The following IL1RAPL2 variants were observed in gnomAD, a reference collection of about 807,000 sequenced individuals.
The protein encoded by IL1RAPL2 is X-linked interleukin-1 receptor accessory protein-like 2.
A neutral mutation model predicts 44.1 loss-of-function variants in IL1RAPL2; 3 were observed. The observed-to-expected ratio is 0.07, with a 90% CI of 0.03 to 0.18. The LOEUF (loss-of-function observed/expected upper bound fraction) is 0.18, where lower values mean the gene tolerates loss of function less well. IL1RAPL2 is among the 10% of genes least tolerant of loss of function. The pLI, the probability that IL1RAPL2 is intolerant of heterozygous loss-of-function variation, is 1.00. For missense variants in IL1RAPL2, 391 were observed against 496.4 expected (o/e 0.79, Z 2.02); for synonymous variants, 181 against 178.8 (o/e 1.01, Z -0.10).
intron 2 of IL1RAPL2, among the ~76,000 whole-genome samples, chrX:105,140,749 G>T (rs747300602): frequency 1.8e-5 from 2 of 112,523 alleles, no homozygotes; most frequent in South Asian, 3.6e-4. Context: ...GCTAATGCAG[G>T]GTTGTAATAT....
intron 6 of IL1RAPL2, among the ~76,000 whole-genome samples, chrX:105,651,800 C>T (rs2037644071): frequency 8.9e-6 from 1 of 111,929 alleles, no homozygotes; most frequent in African/African-American, 3.2e-5. Context: ...GTTTACTCCC[C>T]TGTGAAGACC....
chrX:104,651,728 C>T (rs1014395888), intron 1 of IL1RAPL2, among the ~76,000 whole-genome samples: 1 of 110,902 alleles, frequency 9.0e-6, no homozygotes, highest in Non-Finnish European at 1.9e-5. Flanking sequence ...AAGTCACTGG[C>T]GTTATATAAG....
chrX:105,548,707 C>T (rs749723197), intron 6 of IL1RAPL2, among the ~76,000 whole-genome samples: 18 of 111,470 alleles, frequency 1.6e-4, no homozygotes, highest in Admixed American at 1.2e-3. Flanking sequence ...CACTCTACCA[C>T]TTACTGTTTG....
intron 2 of IL1RAPL2, among the ~76,000 whole-genome samples, chrX:104,945,136 G>T (rs1185771845): frequency 9.0e-6 from 1 of 111,305 alleles, no homozygotes; most frequent in Non-Finnish European, 1.9e-5. Context: ...GTCATTTAGT[G>T]GGTGCTTAAT....
intron 2 of IL1RAPL2, among the ~76,000 whole-genome samples, chrX:104,802,989 C>T (rs1287357420): frequency 9.0e-6 from 1 of 111,688 alleles, no homozygotes; most frequent in African/African-American, 3.3e-5. Flanking sequence ...ATTTCACATA[C>T]ATTCTCTCAT....
chrX:105,491,066 T>C (rs150057342), intron 6 of IL1RAPL2, among the ~76,000 whole-genome samples: 3,559 of 111,980 alleles, frequency 0.032, 149 homozygotes, highest in African/African-American at 0.11. Flanking sequence ...ATACTAAAAA[T>C]GGAAATTTAT....
Position 105,319,143 on chromosome X carries a change from T to C in IL1RAPL2, c.697+51602T>C, listed in dbSNP as rs1420796743. Among the ~76,000 whole-genome samples the C allele has an allele frequency of 2.7e-5, 3 of 112,142 alleles. No individual in the cohort carries two copies. The East Asian group carries it at 8.5e-4, about 32-fold the overall frequency. On this transcript the variant is annotated intron_variant, in intron 5 of 10. Transcript: ENST00000372582. ...ACAGCCCAGTAAAGGAGCTTTGAGA[T>C]GAGCTTTTTCTTTCTGTGTTGGCTA...
At chrX:104,732,356 A>G (rs190041817) in intron 2 of IL1RAPL2, among the ~76,000 whole-genome samples, 7 of 112,134 alleles carry the variant, frequency 6.2e-5, no homozygotes, top group East Asian at 2.8e-4. Context: ...TTATTAGTAG[A>G]CAAGCATACC....
At chrX:104,662,318 G>A (rs1930416559) in intron 2 of IL1RAPL2, among the ~76,000 whole-genome samples, 1 of 111,644 alleles carries the variant, frequency 9.0e-6, no homozygotes. Context: ...CTGCATCTAG[G>A]GCCTGATTGC....
At chrX:104,938,277 T>C (rs1243713082) in intron 2 of IL1RAPL2, among the ~76,000 whole-genome samples, 2 of 112,363 alleles carry the variant, frequency 1.8e-5, no homozygotes, top group African/African-American at 6.5e-5. Flanking sequence ...ATGAAAATTG[T>C]TGGCAAAGAC....
At chrX:105,207,478 T>C (rs1556153508) in intron 3 of IL1RAPL2, among the ~76,000 whole-genome samples, 1 of 111,902 alleles carries the variant, frequency 8.9e-6, no homozygotes, top group East Asian at 2.8e-4. Flanking sequence ...AAATCATTGT[T>C]TGACATTACT....
chrX:105,051,268 A>T (rs2031919828), intron 2 of IL1RAPL2, among the ~76,000 whole-genome samples: 1 of 103,655 alleles, frequency 9.6e-6, no homozygotes. Context: ...AGCGGAGCAG[A>T]CACCCCGAGC....
chrX:104,599,185 G>A (rs1928824740), intron 1 of IL1RAPL2, among the ~76,000 whole-genome samples: 1 of 112,063 alleles, frequency 8.9e-6, no homozygotes, highest in Non-Finnish European at 1.9e-5. Context: ...TCTGTATATA[G>A]TGTGTAGTAA....
intron 2 of IL1RAPL2, among the ~76,000 whole-genome samples, chrX:105,157,286 G>GCT (rs755583508): frequency 1.6e-4 from 17 of 107,445 alleles, no homozygotes; most frequent in East Asian, 8.8e-4. Flanking sequence ...TAACTACAAA[G>GCT]CTCTCTCTCT....
At chrX:104,618,386 C>G (rs894151630) in intron 1 of IL1RAPL2, among the ~76,000 whole-genome samples, 1 of 112,410 alleles carries the variant, frequency 8.9e-6, no homozygotes, top group Non-Finnish European at 1.9e-5. Flanking sequence ...TACAGGTTCT[C>G]TGATGGCAGG....
chrX:104,885,772 T>C (rs1002969462), intron 2 of IL1RAPL2, among the ~76,000 whole-genome samples: 1 of 112,188 alleles, frequency 8.9e-6, no homozygotes, highest in African/African-American at 3.2e-5. Context: ...TGGTAGGGCT[T>C]GTTATCAATG....
chrX:104,602,477 G>T (rs1252359592), intron 1 of IL1RAPL2, among the ~76,000 whole-genome samples: 1 of 111,201 alleles, frequency 9.0e-6, no homozygotes, highest in Non-Finnish European at 1.9e-5. Context: ...CAGTGAGACA[G>T]AATCAATTAC....
intron 2 of IL1RAPL2, among the ~76,000 whole-genome samples, chrX:104,686,845 A>T (rs1930997311): frequency 8.9e-6 from 1 of 112,142 alleles, no homozygotes; most frequent in Non-Finnish European, 1.9e-5. Context: ...TATGCTTCCC[A>T]CATCTGTTCC....
chrX:105,397,585 G>A (rs1211820752), intron 5 of IL1RAPL2, among the ~76,000 whole-genome samples: 1 of 111,678 alleles, frequency 9.0e-6, no homozygotes, highest in African/African-American at 3.3e-5. Flanking sequence ...GAAAGAAAAA[G>A]TGAATTGGGA....
Sources: allele counts gnomAD v4.1 joint callset (sites outside exome capture counted in the v4.1 genomes callset), GRCh38; gene constraint gnomAD v4.1.1; transcripts MANE v1.5; gene names NCBI Gene and HGNC (gene_info 2026-07-23, HGNC 2026-07-21).